The following HSDL1 variants were observed in gnomAD, a reference collection of about 807,000 sequenced individuals.
HSDL1 encodes the protein inactive hydroxysteroid dehydrogenase-like protein 1.
In HSDL1, 29 loss-of-function variants were observed where a neutral mutation model predicts 31.5. That is an observed-to-expected ratio of 0.92 (90% confidence interval 0.69 to 1.26). The LOEUF is 1.26. Ranked by LOEUF, HSDL1 falls within the 50% of genes most tolerant of loss-of-function variation. The pLI, the probability that HSDL1 is intolerant of heterozygous loss-of-function variation, is 0.00. For missense variants in HSDL1, 503 were observed against 416.6 expected, an observed-to-expected ratio of 1.21 and a Z score of -1.81; for synonymous variants, 222 against 155.2, an observed-to-expected ratio of 1.43 and a Z score of -3.20.
intron 1 of HSDL1, chr16:84,144,202 G>A (rs571379235): frequency 4.6e-5 from 7 of 152,190 alleles, no homozygotes; most frequent in Admixed American, 1.3e-4. Flanking sequence ...ATAAAGCGCA[G>A]TCAGACTCTC....
rs534176602 is a variant in HSDL1 at position 84,129,145 on chromosome 16, G to A, written c.894+403C>T. Among the ~76,000 whole-genome samples, 3 of 152,236 alleles carry A rather than the reference G, an allele frequency of 2.0e-5. No individual in the cohort carries two copies. In the East Asian group the frequency reaches 5.8e-4, roughly 30 times the overall value. On this transcript the variant is annotated intron_variant, in intron 5 of 5. Coordinates refer to ENST00000219439, the MANE Select transcript of HSDL1 (RefSeq NM_031463.5). ...CGCCTGTAATCTCAGCACTTTGGGAGGCTGAGGCAGGCAGATCATGAGGCC... is the reference window on the plus strand; with the variant it reads ...CGCCTGTAATCTCAGCACTTTGGGAAGCTGAGGCAGGCAGATCATGAGGCC...
chr16:84,138,004 C>T (rs1014287423), intron 1 of HSDL1, among the ~76,000 whole-genome samples: 1 of 152,228 alleles, frequency 6.6e-6, no homozygotes, highest in African/African-American at 2.4e-5. Flanking sequence ...CTTAACCCCC[C>T]AGGTGATGGT....
chr16:84,129,197 C>A (rs373759762), intron 5 of HSDL1, among the ~76,000 whole-genome samples: 1 of 151,836 alleles, frequency 6.6e-6, no homozygotes, highest in Non-Finnish European at 1.5e-5. Flanking sequence ...CTGGCTAACA[C>A]GGTGAAACCC....
At chr16:84,130,671 G>A (rs957989285) in intron 3 of HSDL1, among the ~76,000 whole-genome samples, 3 of 152,208 alleles carry the variant, frequency 2.0e-5, no homozygotes, top group African/African-American at 7.2e-5. Context: ...CACCATATTG[G>A]TTAGGAGACA....
At chr16:84,129,887 T>C (rs959292419) in intron 4 of HSDL1, 99 bp downstream of exon 4, 2 of 1,402,164 alleles carry the variant, frequency 1.4e-6, no homozygotes, top group Admixed American at 2.0e-5. Context: ...GATAAGCATA[T>C]GTGAGTTGCT....
chr16:84,133,370 A>G (rs1399767258), intron 2 of HSDL1, among the ~76,000 whole-genome samples: 1 of 152,236 alleles, frequency 6.6e-6, no homozygotes. Flanking sequence ...AGAAAGTTTC[A>G]TACTGGTACC....
chr16:84,122,920 C>A lies in HSDL1; in HGVS notation c.*1710G>T, dbSNP rs2086568620. The A allele has an allele frequency of 6.6e-6, 1 of 152,142 alleles. No homozygotes were observed. Among genetic ancestry groups the A allele is most frequent in the Non-Finnish European group, 1.5e-5 (1 of 68,010 alleles). 9.4% of individuals were successfully genotyped at this position (152,142 alleles called of 1,614,324 possible). On this transcript the variant is annotated 3_prime_UTR_variant, in exon 6 of 6. Coordinates refer to ENST00000219439, the MANE Select transcript of HSDL1 (RefSeq NM_031463.5). The stretch of plus-strand genomic sequence containing the variant: ...CACGTAACACTGATGGATTCCATAC[C>A]TAATTTATCAATCTAAGACATTACT...
chr16:84,140,824 C>T (rs1230399192), intron 1 of HSDL1, among the ~76,000 whole-genome samples: 2 of 152,154 alleles, frequency 1.3e-5, no homozygotes, highest in African/African-American at 2.4e-5. Context: ...GTATTGCTGG[C>T]CGGGCGCGGT....
intron 1 of HSDL1, among the ~76,000 whole-genome samples, chr16:84,138,705 A>C (rs1376120978): frequency 6.6e-6 from 1 of 152,248 alleles, no homozygotes; most frequent in African/African-American, 2.4e-5. Context: ...GAACAAAACA[A>C]AACCACAACT....
intron 1 of HSDL1, among the ~76,000 whole-genome samples, chr16:84,138,148 T>C (rs2086730230): frequency 6.6e-6 from 1 of 152,204 alleles, no homozygotes; most frequent in Admixed American, 6.5e-5. Flanking sequence ...GGTATTTTGT[T>C]ATAGCAGCTC....
chr16:84,134,962 G>T (rs530145898), intron 2 of HSDL1, among the ~76,000 whole-genome samples: 5 of 152,150 alleles, frequency 3.3e-5, no homozygotes, highest in Non-Finnish European at 2.9e-5. Flanking sequence ...GGCCAGCCAC[G>T]GTGGCTCGCG....
chr16:84,135,838 C>T (rs776761016), intron 1 of HSDL1, among the ~76,000 whole-genome samples: 2 of 152,226 alleles, frequency 1.3e-5, no homozygotes, highest in Admixed American at 1.3e-4. Context: ...CGTCCTCAGG[C>T]ACAGCTGGAG....
intron 1 of HSDL1, among the ~76,000 whole-genome samples, chr16:84,143,666 C>G (rs1252395930): frequency 6.6e-6 from 1 of 151,940 alleles, no homozygotes; most frequent in Non-Finnish European, 1.5e-5. Context: ...CCAATATGTT[C>G]AACTCTGTTG....
At chr16:84,138,197 T>C (rs1225460821) in intron 1 of HSDL1, among the ~76,000 whole-genome samples, 2 of 152,186 alleles carry the variant, frequency 1.3e-5, no homozygotes, top group Admixed American at 1.3e-4. Flanking sequence ...GAGAAACCCA[T>C]GATGTGGAAA....
In HSDL1 at chr16:84,131,192, A is replaced by C. The variant is rs763936056; in HGVS notation, c.130T>G (p.Phe44Val). Residue 44 changes from phenylalanine (F) to valine (V), a missense_variant, in exon 3 of 6, where the codon TTT (phenylalanine) becomes GTT (valine). Phe to Val is a conservative substitution (Grantham distance 50). Transcript: ENST00000219439. ...ARKSITVICD[F>V]YSLIRLHFIP... ...AAATGCAGCCTGATCAGGCTGTAAA[A>C]GTCACAGATGACAGTGATGCTTTTT... 6.2e-7 allele frequency: 1 copy of C among 1,614,194 alleles called. No homozygotes were observed. The highest frequency in any genetic ancestry group is 1.7e-5 in the Admixed American group (1 of 60,030).
chr16:84,128,338 TA>T (rs1225981287), intron 5 of HSDL1, among the ~76,000 whole-genome samples: 1 of 151,936 alleles, frequency 6.6e-6, no homozygotes, highest in African/African-American at 2.4e-5. Flanking sequence ...CTACACCAGA[TA>T]AAGGAACTGA....
chr16:84,128,893 A>C (rs1265095784), intron 5 of HSDL1, among the ~76,000 whole-genome samples: 1 of 151,984 alleles, frequency 6.6e-6, no homozygotes, highest in Non-Finnish European at 1.5e-5. Context: ...TTTTTAGTAC[A>C]GACAGGGTTT....
intron 1 of HSDL1, among the ~76,000 whole-genome samples, chr16:84,137,514 A>C (rs541560259): frequency 1.3e-5 from 2 of 152,188 alleles, no homozygotes; most frequent in South Asian, 4.1e-4. Context: ...GCAGCAGGGG[A>C]GGAGGGGGGC....
At chr16:84,137,758 G>A (rs1313341395) in intron 1 of HSDL1, among the ~76,000 whole-genome samples, 1 of 152,220 alleles carries the variant, frequency 6.6e-6, no homozygotes, top group Admixed American at 6.5e-5. Context: ...AAAGAAATCA[G>A]TACTTTCCCC....
Sources: gnomAD v4.1 joint callset for allele counts (sites outside exome capture counted in the v4.1 genomes callset) on GRCh38, gnomAD v4.1.1 for gene constraint, MANE v1.5 for transcripts, NCBI Gene and HGNC (gene_info 2026-07-23, HGNC 2026-07-21) for gene names.